The following SMYD3 variants were observed in gnomAD, a reference collection of about 807,000 sequenced individuals.
SMYD3 encodes histone-lysine N-methyltransferase SMYD3.
Under a neutral mutation model 57.7 loss-of-function variants are expected in SMYD3, and 36 were observed. That is an observed-to-expected ratio of 0.62 (90% CI 0.48 to 0.82). The LOEUF is 0.82. SMYD3 is among the 40% of genes least tolerant of loss of function. The probability of loss-of-function intolerance (pLI) is 0.00; values close to 1 mark genes in which losing one functional copy is unlikely to be tolerated. For synonymous variants in SMYD3, 211 were observed against 195.0 expected (o/e 1.08, Z -0.68); for missense variants, 515 against 538.8 (o/e 0.96, Z 0.44).
chr1:246,083,874 C>G (rs553698174), intron 5 of SMYD3, among the ~76,000 whole-genome samples: 1 of 152,212 alleles, frequency 6.6e-6, no homozygotes, highest in East Asian at 1.9e-4. Flanking sequence ...AATCATATAA[C>G]TCATTATAAA....
intron 10 of SMYD3, among the ~76,000 whole-genome samples, chr1:245,769,334 C>A (rs1458979623): frequency 1.3e-5 from 2 of 152,206 alleles, no homozygotes; most frequent in Non-Finnish European, 2.9e-5. Flanking sequence ...CCTCAACGAT[C>A]CTTGTGAAAC....
intron 1 of SMYD3, among the ~76,000 whole-genome samples, chr1:246,400,287 G>A (rs1572463217): frequency 6.6e-6 from 1 of 152,358 alleles, no homozygotes; most frequent in East Asian, 1.9e-4. Flanking sequence ...TAGTCTAGCA[G>A]GATAGTAACT....
chr1:245,802,386 A>G lies in SMYD3; in HGVS notation c.1077-38237T>C, dbSNP rs1020281625. Among the ~76,000 whole-genome samples the G allele has an allele frequency of 4.6e-5, 7 of 152,360 alleles. No individual in the cohort carries two copies. The South Asian group carries it at 1.4e-3, about 32-fold the overall frequency. ...TGACCTCCCCCTCTCCCCAAGTCAT[A>G]AGACAACTCTCTTTTTCCTTTACTA... On this transcript the variant is annotated intron_variant, in intron 10 of 11. Transcript: ENST00000490107.
chr1:245,758,301 T>C (rs2045695226), intron 11 of SMYD3, among the ~76,000 whole-genome samples: 1 of 152,194 alleles, frequency 6.6e-6, no homozygotes, highest in African/African-American at 2.4e-5. Context: ...GTGTGTAATC[T>C]TCAGAGCTTT....
At chr1:246,505,957 T>C (rs913309787) in intron 1 of SMYD3, among the ~76,000 whole-genome samples, 4 of 152,246 alleles carry the variant, frequency 2.6e-5, no homozygotes, top group Admixed American at 6.5e-5. Flanking sequence ...TTCGCTGTTA[T>C]CATTACTTCA....
At chr1:246,126,036 T>C (rs1235922069) in intron 5 of SMYD3, among the ~76,000 whole-genome samples, 1 of 152,196 alleles carries the variant, frequency 6.6e-6, no homozygotes, top group Non-Finnish European at 1.5e-5. Flanking sequence ...CCAGAAGCTA[T>C]CAGCCAGCCA....
At chr1:245,923,067 A>G (rs775480651) in intron 7 of SMYD3, among the ~76,000 whole-genome samples, 2 of 152,192 alleles carry the variant, frequency 1.3e-5, no homozygotes, top group Non-Finnish European at 2.9e-5. Flanking sequence ...TGAAAGGCAA[A>G]GGAAACATCA....
At chr1:246,237,712 G>C (rs917410546) in intron 5 of SMYD3, among the ~76,000 whole-genome samples, 1 of 152,072 alleles carries the variant, frequency 6.6e-6, no homozygotes, top group South Asian at 2.1e-4. Flanking sequence ...TAGACTTTTT[G>C]CCACATGAAT....
chr1:246,392,070 C>G (rs992689446), intron 1 of SMYD3, among the ~76,000 whole-genome samples: 1 of 152,200 alleles, frequency 6.6e-6, no homozygotes, highest in African/African-American at 2.4e-5. Flanking sequence ...TCATTGCTCT[C>G]CAACTATCAT....
intron 5 of SMYD3, among the ~76,000 whole-genome samples, chr1:245,993,568 CAA>C (rs10611495): frequency 0.01 from 254 of 24,418 alleles, 4 homozygotes; most frequent in Non-Finnish European, 0.033. Context: ...GACGTTGTCT[CAA>C]AAAAAAAAAA....
chr1:246,027,023 T>G (rs989203631), intron 5 of SMYD3, among the ~76,000 whole-genome samples: 4 of 152,232 alleles, frequency 2.6e-5, no homozygotes, highest in Admixed American at 2.6e-4. Flanking sequence ...ACAGCCTTAT[T>G]GCTGATAGGG....
At chr1:246,080,689 C>T (rs564279023) in intron 5 of SMYD3, among the ~76,000 whole-genome samples, 1 of 152,212 alleles carries the variant, frequency 6.6e-6, no homozygotes, top group Non-Finnish European at 1.5e-5. Context: ...CCTTACTACA[C>T]CTTAGTGTCC....
intron 10 of SMYD3, among the ~76,000 whole-genome samples, chr1:245,780,445 C>A (rs2046783895): frequency 6.6e-6 from 1 of 152,056 alleles, no homozygotes; most frequent in South Asian, 2.1e-4. Context: ...TATATGATTC[C>A]ATTTATGTGA....
chr1:246,461,851 C>T (rs546375615), intron 1 of SMYD3, among the ~76,000 whole-genome samples: 10 of 152,072 alleles, frequency 6.6e-5, no homozygotes, highest in South Asian at 4.1e-4. Context: ...TTTTGGCATA[C>T]CTGTGTTCAC....
chr1:245,851,860 A>C (rs1312119780), intron 10 of SMYD3, among the ~76,000 whole-genome samples: 2 of 152,194 alleles, frequency 1.3e-5, no homozygotes, highest in Admixed American at 1.3e-4. Context: ...GCCAGGAGTG[A>C]AACACTATAG....
At position 246,313,718 on chromosome 1, in the gene SMYD3, C is replaced by A. The variant is rs536996934; in HGVS notation, c.531+13483G>T. ...AATTATTTGCCTATGTCATTAATAT[C>A]AAGTATAAATGTTAAGGTCAAATAA... On this transcript the variant is annotated intron_variant, in intron 5 of 11. Transcript: ENST00000490107. Among the ~76,000 whole-genome samples the A allele has an allele frequency of 4.0e-4, 61 of 152,032 alleles. No homozygotes were observed. In the South Asian group the frequency reaches 0.012, roughly 31 times the overall value.
chr1:245,877,692 T>C (rs1337197982), intron 8 of SMYD3, among the ~76,000 whole-genome samples: 1 of 152,158 alleles, frequency 6.6e-6, no homozygotes, highest in Non-Finnish European at 1.5e-5. Flanking sequence ...GCATCTGGCT[T>C]CAGTGGCTGA....
At chr1:246,381,964 C>T (rs973852118) in intron 1 of SMYD3, among the ~76,000 whole-genome samples, 1 of 147,242 alleles carries the variant, frequency 6.8e-6, no homozygotes, top group Admixed American at 6.7e-5. Flanking sequence ...CAGCTGACAC[C>T]TATGGGATCC....
At chr1:246,255,987 T>TAGATAG (rs1407167583) in intron 5 of SMYD3, among the ~76,000 whole-genome samples, 3 of 138,576 alleles carry the variant, frequency 2.2e-5, no homozygotes, top group Non-Finnish European at 4.6e-5. Flanking sequence ...GATAGATAGA[T>TAGATAG]ACACACACAC....
Sources: allele counts gnomAD v4.1 joint callset (sites outside exome capture counted in the v4.1 genomes callset), GRCh38; gene constraint gnomAD v4.1.1; transcripts MANE v1.5; gene names NCBI Gene and HGNC (gene_info 2026-07-23, HGNC 2026-07-21).